KAT14: variants seen among roughly 807,000 people sequenced by gnomAD.
The protein encoded by KAT14 is lysine acetyltransferase 14.
KAT14 carries 66 observed loss-of-function variants against 78.4 expected under a neutral mutation model. The observed-to-expected ratio is 0.84, with a 90% CI of 0.69 to 1.03. KAT14 has a LOEUF of 1.03. KAT14 is among the 50% of genes least tolerant of loss of function. The probability of loss-of-function intolerance (pLI) is 0.00; values close to 1 mark genes in which losing one functional copy is unlikely to be tolerated. For synonymous variants in KAT14, 344 were observed against 359.4 expected, an observed-to-expected ratio of 0.96 and a Z score of 0.48; for missense variants, 870 against 972.5, an observed-to-expected ratio of 0.89 and a Z score of 1.40.
chr20:18,137,798 G>T (rs2037347198), upstream of KAT14: 1 of 731,384 alleles, frequency 1.4e-6, no homozygotes, highest in Non-Finnish European at 2.0e-6. Context: ...CTCGGCTCTC[G>T]ATTGCTCACG....
chr20:18,173,689 A>G (rs1362819346), intron 7 of KAT14, among the ~76,000 whole-genome samples: 3 of 147,422 alleles, frequency 2.0e-5, no homozygotes, highest in Non-Finnish European at 3.0e-5. Context: ...CCCTGACATC[A>G]TTTGTTGAGT....
At chr20:18,167,840 A>G (rs1431150516) in intron 7 of KAT14, among the ~76,000 whole-genome samples, 1 of 152,076 alleles carries the variant, frequency 6.6e-6, no homozygotes, top group Non-Finnish European at 1.5e-5. Flanking sequence ...CTAACTTAAG[A>G]TACATTTATT....
chr20:18,185,376 A>AT (rs1368266578), intron 10 of KAT14, among the ~76,000 whole-genome samples: 1 of 151,932 alleles, frequency 6.6e-6, no homozygotes, highest in Non-Finnish European at 1.5e-5. Context: ...TGCCCGGCTG[A>AT]TTTTTTGTAG....
intron 7 of KAT14, among the ~76,000 whole-genome samples, chr20:18,168,771 G>A (rs2038748955): frequency 6.6e-6 from 1 of 151,760 alleles, no homozygotes; most frequent in Non-Finnish European, 1.5e-5. Flanking sequence ...CTGTTCTTTT[G>A]GTCAGAGGTA....
intron 7 of KAT14, among the ~76,000 whole-genome samples, chr20:18,176,629 A>G (rs1341475970): frequency 6.6e-6 from 1 of 151,492 alleles, no homozygotes; most frequent in Non-Finnish European, 1.5e-5. Flanking sequence ...GCCCAGGCGC[A>G]GGCCCTGAAG....
At chr20:18,150,729 T>A in intron 3 of KAT14, 92 bp from the exon 4 acceptor site, 4 of 1,573,038 alleles carry the variant, frequency 2.5e-6, no homozygotes, top group Non-Finnish European at 3.5e-6. Context: ...CCATTCCTAC[T>A]CAGAATATAA....
intron 10 of KAT14, among the ~76,000 whole-genome samples, chr20:18,186,157 TA>T (rs1311774616): frequency 6.6e-6 from 1 of 152,118 alleles, no homozygotes; most frequent in East Asian, 1.9e-4. Context: ...TGAGGGCTGG[TA>T]CAGAGTCAGT....
intron 7 of KAT14, among the ~76,000 whole-genome samples, chr20:18,181,311 A>G (rs1034543104): frequency 3.9e-5 from 6 of 151,958 alleles, no homozygotes; most frequent in African/African-American, 1.4e-4. Context: ...ACACATAAAA[A>G]TATGATACTA....
At chr20:18,173,875 G>C (rs2038941584) in intron 7 of KAT14, among the ~76,000 whole-genome samples, 1 of 152,050 alleles carries the variant, frequency 6.6e-6, no homozygotes, top group Non-Finnish European at 1.5e-5. Context: ...CCTATTTAAA[G>C]TGTACAGTTG....
chr20:18,179,159 T>A (rs954946521), intron 7 of KAT14, among the ~76,000 whole-genome samples: 1 of 152,216 alleles, frequency 6.6e-6, no homozygotes, highest in Non-Finnish European at 1.5e-5. Context: ...CCCTGTGGCT[T>A]TGCAGGGTAT....
At chr20:18,149,095 T>C (rs1243608755) in intron 3 of KAT14, among the ~76,000 whole-genome samples, 1 of 152,254 alleles carries the variant, frequency 6.6e-6, no homozygotes, top group African/African-American at 2.4e-5. Flanking sequence ...AAATACTTTA[T>C]CACTGAGATT....
At chr20:18,164,757 T>C (rs2038578819) in intron 7 of KAT14, among the ~76,000 whole-genome samples, 2 of 151,820 alleles carry the variant, frequency 1.3e-5, no homozygotes, top group Admixed American at 6.6e-5. Context: ...GCTGGTACTA[T>C]AGGCACACAC....
intron 7 of KAT14, among the ~76,000 whole-genome samples, chr20:18,178,084 G>T (rs987099268): frequency 7.0e-6 from 1 of 143,346 alleles, no homozygotes; most frequent in Admixed American, 7.2e-5. Context: ...CTCCAGCCTG[G>T]ATAACAGAGC....
chr20:18,138,732 G>A (rs60738877), intron 1 of KAT14, among the ~76,000 whole-genome samples: 21,350 of 151,918 alleles, frequency 0.14, 2,177 homozygotes, highest in African/African-American at 0.29. Context: ...GGAAATATCC[G>A]TGACCTGCTG....
chr20:18,174,188 A>G (rs2038953256), intron 7 of KAT14, among the ~76,000 whole-genome samples: 1 of 152,242 alleles, frequency 6.6e-6, no homozygotes, highest in African/African-American at 2.4e-5. Flanking sequence ...TTGTATGGAT[A>G]GACCACATTT....
chr20:18,137,294 T>TA (rs1555801071), upstream of KAT14, among the ~76,000 whole-genome samples: 666 of 150,298 alleles, frequency 4.4e-3, 7 homozygotes, highest in Non-Finnish European at 6.4e-3. Context: ...GTATCAAAAT[T>TA]ATAATAATAA....
chr20:18,161,001 C>G (rs531387264), intron 5 of KAT14, among the ~76,000 whole-genome samples: 5 of 151,898 alleles, frequency 3.3e-5, no homozygotes, highest in Non-Finnish European at 7.4e-5. Context: ...ATGATGAAAC[C>G]CCATCTGTAC....
chr20:18,156,429 T>C (rs2038230019), intron 4 of KAT14, among the ~76,000 whole-genome samples: 1 of 152,196 alleles, frequency 6.6e-6, no homozygotes, highest in Admixed American at 6.5e-5. Context: ...GGGGGAAAAC[T>C]ATTGAGGCCA....
chr20:18,185,652 CA>C (rs2039427524), intron 10 of KAT14, among the ~76,000 whole-genome samples: 1 of 152,078 alleles, frequency 6.6e-6, no homozygotes, highest in Non-Finnish European at 1.5e-5. Context: ...ATATCACCAT[CA>C]AAAAACATGC....
Sources: gnomAD v4.1 joint callset for allele counts (sites outside exome capture counted in the v4.1 genomes callset) on GRCh38, gnomAD v4.1.1 for gene constraint, MANE v1.5 for transcripts, NCBI Gene and HGNC (gene_info 2026-07-23, HGNC 2026-07-21) for gene names.